Variants in NR2F1-AS1 observed in about 807,000 individuals in gnomAD.
The protein encoded by NR2F1-AS1 is NR2F1 antisense RNA 1.
intron 4 of NR2F1-AS1, among the ~76,000 whole-genome samples, chr5:93,424,238 G>A (rs945683031): frequency 4.0e-5 from 6 of 151,708 alleles, no homozygotes; most frequent in African/African-American, 1.5e-4. Context: ...CCAGACCCAC[G>A]TCCAAATGCC....
chr5:93,462,938 A>C (rs1750130388), intron 4 of NR2F1-AS1, among the ~76,000 whole-genome samples: 1 of 152,228 alleles, frequency 6.6e-6, no homozygotes, highest in South Asian at 2.1e-4. Context: ...ATAAGTTCAG[A>C]AAATTTGCAA....
At chr5:93,553,699 A>G (rs972315962) in intron 4 of NR2F1-AS1, 2 of 152,208 alleles carry the variant, frequency 1.3e-5, no homozygotes, top group African/African-American at 2.4e-5. Flanking sequence ...TTGTTTGATA[A>G]TGCTGCGAAG....
At chr5:93,486,353 C>A (rs898839475) in intron 4 of NR2F1-AS1, among the ~76,000 whole-genome samples, 8 of 151,462 alleles carry the variant, frequency 5.3e-5, no homozygotes, top group African/African-American at 1.5e-4. Flanking sequence ...GCTAGCCAGA[C>A]TAATACAGAA....
chr5:93,473,662 C>T lies in NR2F1-AS1; in HGVS notation n.639-78120G>A, dbSNP rs566203924. On this transcript the variant is annotated intron_variant and non_coding_transcript_variant, in intron 4 of 5. Coordinates refer to ENST00000660523, the Ensembl canonical transcript of NR2F1-AS1. Reference sequence around the variant, plus strand: ...GCTTCAATATATATATTGAAGAATGCTATAGTATATTCCTAAAGACCAAAC... The same window carrying T: ...GCTTCAATATATATATTGAAGAATGTTATAGTATATTCCTAAAGACCAAAC... 2.0e-5 allele frequency among the ~76,000 whole-genome samples: 3 copies of T among 150,644 alleles called. No homozygotes were observed. In the East Asian group the frequency reaches 5.8e-4, roughly 29 times the overall value.
intron 4 of NR2F1-AS1, among the ~76,000 whole-genome samples, chr5:93,428,678 T>C (rs917674725): frequency 6.6e-6 from 1 of 152,172 alleles, no homozygotes; most frequent in African/African-American, 2.4e-5. Flanking sequence ...TTTGGATATC[T>C]AGGGAAATGG....
chr5:93,575,309 A>T (rs1054881744), intron 1 of NR2F1-AS1, among the ~76,000 whole-genome samples: 2 of 152,224 alleles, frequency 1.3e-5, no homozygotes, highest in Admixed American at 1.3e-4. Context: ...GTCCTGGGAG[A>T]TGTTTTTCTT....
intron 4 of NR2F1-AS1, among the ~76,000 whole-genome samples, chr5:93,442,502 C>T (rs1580227145): frequency 6.6e-6 from 1 of 152,114 alleles, no homozygotes; most frequent in African/African-American, 2.4e-5. Flanking sequence ...GAGGGGCACC[C>T]GACATTGCTG....
chr5:93,483,225 C>T (rs774263192), intron 4 of NR2F1-AS1, among the ~76,000 whole-genome samples: 4 of 152,170 alleles, frequency 2.6e-5, no homozygotes, highest in Non-Finnish European at 5.9e-5. Flanking sequence ...GTGGAAGCCC[C>T]TCTGGGACAA....
chr5:93,436,877 T>C (rs961404257), intron 4 of NR2F1-AS1, among the ~76,000 whole-genome samples: 13 of 151,978 alleles, frequency 8.6e-5, no homozygotes, highest in Non-Finnish European at 1.9e-4. Flanking sequence ...CTGGAGAGGT[T>C]TACACTCAAG....
chr5:93,421,454 G>T (rs188532032), intron 4 of NR2F1-AS1, among the ~76,000 whole-genome samples: 2 of 152,060 alleles, frequency 1.3e-5, no homozygotes, highest in African/African-American at 4.8e-5. Context: ...TATGTTCCAA[G>T]TCTCCATTCC....
At chr5:93,522,753 T>C (rs1034115447) in intron 4 of NR2F1-AS1, among the ~76,000 whole-genome samples, 2 of 150,456 alleles carry the variant, frequency 1.3e-5, no homozygotes, top group Non-Finnish European at 2.9e-5. Flanking sequence ...GTCAGGGAAC[T>C]CCCTCCCCTA....
At chr5:93,434,588 C>T (rs1192831297) in intron 4 of NR2F1-AS1, among the ~76,000 whole-genome samples, 1 of 152,168 alleles carries the variant, frequency 6.6e-6, no homozygotes, top group East Asian at 1.9e-4. Context: ...TATTCACTTA[C>T]AGGGTCAAAC....
chr5:93,451,112 T>C (rs756431602), intron 4 of NR2F1-AS1, among the ~76,000 whole-genome samples: 11 of 152,040 alleles, frequency 7.2e-5, no homozygotes, highest in South Asian at 2.1e-4. Context: ...GCCACTGTCA[T>C]TGAGATAATC....
chr5:93,520,880 C>T (rs937974228), intron 4 of NR2F1-AS1, among the ~76,000 whole-genome samples: 1 of 152,080 alleles, frequency 6.6e-6, no homozygotes, highest in Non-Finnish European at 1.5e-5. Context: ...ATTAAAATTA[C>T]AAAATGAAGC....
chr5:93,485,643 A>C (rs192021126), intron 4 of NR2F1-AS1, among the ~76,000 whole-genome samples: 1 of 152,206 alleles, frequency 6.6e-6, no homozygotes, highest in Admixed American at 6.5e-5. Context: ...CACATGAAAA[A>C]CCCTTCAAAA....
At chr5:93,410,039 T>A (rs1435054067) in intron 4 of NR2F1-AS1, 2 of 152,216 alleles carry the variant, frequency 1.3e-5, no homozygotes, top group African/African-American at 2.4e-5. Flanking sequence ...AAATGTGTCA[T>A]AGACACTACA....
intron 1 of NR2F1-AS1, among the ~76,000 whole-genome samples, chr5:93,574,334 C>A (rs1263047471): frequency 6.6e-6 from 1 of 152,188 alleles, no homozygotes; most frequent in Non-Finnish European, 1.5e-5. Flanking sequence ...GTTTCTCCTG[C>A]TAGACAGTAA....
At chr5:93,584,961 C>A, upstream of NR2F1-AS1, 1 of 715,010 alleles carries the variant, frequency 1.4e-6, no homozygotes, top group Non-Finnish European at 1.7e-6. Context: ...CCAGCGCGCC[C>A]GCGCGCCCCG....
intron 2 of NR2F1-AS1, among the ~76,000 whole-genome samples, chr5:93,556,029 A>G (rs1418887768): frequency 3.3e-5 from 5 of 152,154 alleles, no homozygotes; most frequent in Non-Finnish European, 7.4e-5. Flanking sequence ...ATCCCTTGAC[A>G]ATATAACTGA....
Sources: allele counts gnomAD v4.1 joint callset (sites outside exome capture counted in the v4.1 genomes callset), GRCh38; gene constraint gnomAD v4.1.1; transcripts MANE v1.5; gene names NCBI Gene and HGNC (gene_info 2026-07-23, HGNC 2026-07-21).